Variants in ROBO1 observed in about 807,000 individuals in gnomAD.
The protein encoded by ROBO1 is roundabout guidance receptor 1.
Under a neutral mutation model 195.9 loss-of-function variants are expected in ROBO1, and 149 were observed. The observed-to-expected ratio is 0.76, with a 90% confidence interval of 0.67 to 0.87. The LOEUF is 0.87. ROBO1 is among the 40% of genes least tolerant of loss of function. The pLI is 0.00. For synonymous variants in ROBO1, 816 were observed against 733.2 expected, an observed-to-expected ratio of 1.11 and a Z score of -1.82; for missense variants, 1,933 against 2,068.3, an observed-to-expected ratio of 0.93 and a Z score of 1.27.
rs549776058 is a variant in ROBO1 at position 79,255,317 on chromosome 3, T to C, written c.89-129778A>G. On this transcript the variant is annotated intron_variant, in intron 2 of 30. Transcript: ENST00000464233. ...CTGAAATGAGCTCTTATTGTGCCAC[T>C]GTACTGCAGCCTGGACAACAGAGCA... 1.4e-4 allele frequency among the ~76,000 whole-genome samples: 21 copies of C among 152,298 alleles called. No homozygotes were observed. In the South Asian group the frequency reaches 4.1e-3, roughly 30 times the overall value.
chr3:79,161,760 C>T (rs1323019881), intron 2 of ROBO1, among the ~76,000 whole-genome samples: 1 of 152,068 alleles, frequency 6.6e-6, no homozygotes, highest in Non-Finnish European at 1.5e-5. Context: ...GCCTCTAGTA[C>T]CATCGCTCTC....
At chr3:79,073,788 G>T (rs1298879067) in intron 3 of ROBO1, among the ~76,000 whole-genome samples, 1 of 151,266 alleles carries the variant, frequency 6.6e-6, no homozygotes, top group Non-Finnish European at 1.5e-5. Context: ...ATAGATCATC[G>T]GAAAATGGCA....
At chr3:78,711,007 T>G (rs2108013057) in intron 8 of ROBO1, among the ~76,000 whole-genome samples, 1 of 152,368 alleles carries the variant, frequency 6.6e-6, no homozygotes, top group South Asian at 2.1e-4. Flanking sequence ...CCCTAGATTT[T>G]ACTCTGTTCC....
chr3:79,609,315 C>T (rs1944584840), intron 1 of ROBO1, among the ~76,000 whole-genome samples: 1 of 151,570 alleles, frequency 6.6e-6, no homozygotes, highest in Admixed American at 6.6e-5. Flanking sequence ...TACCATTTCA[C>T]TCCTATTAGG....
At chr3:79,055,177 C>G (rs897676669) in intron 3 of ROBO1, among the ~76,000 whole-genome samples, 1 of 152,104 alleles carries the variant, frequency 6.6e-6, no homozygotes, top group Non-Finnish European at 1.5e-5. Context: ...AATTCTGATT[C>G]CACTGATGAG....
chr3:78,929,018 CT>C (rs1201973495), intron 4 of ROBO1, among the ~76,000 whole-genome samples: 1 of 151,986 alleles, frequency 6.6e-6, no homozygotes, highest in East Asian at 1.9e-4. Flanking sequence ...TTCTCTTTAA[CT>C]TTTTAGCTTT....
At chr3:78,884,218 A>T (rs2036362470) in intron 4 of ROBO1, among the ~76,000 whole-genome samples, 1 of 152,204 alleles carries the variant, frequency 6.6e-6, no homozygotes, top group Admixed American at 6.6e-5. Context: ...AGAGAATGAC[A>T]ATAACAGACC....
At chr3:78,766,756 G>A (rs424737) in intron 4 of ROBO1, among the ~76,000 whole-genome samples, 45,603 of 151,992 alleles carry the variant, frequency 0.3, 6,974 homozygotes, top group East Asian at 0.5. Context: ...CTGTGGGTTC[G>A]TCATAGATGG....
chr3:79,708,312 T>C lies in ROBO1; in HGVS notation c.-51+59440A>G, dbSNP rs557820249. On this transcript the variant is annotated intron_variant, in intron 1 of 30. Coordinates refer to ENST00000464233, the MANE Select transcript of ROBO1 (RefSeq NM_002941.4). ...CTTTTAGCTTCCCCATATAATTAAATTATCTTTTCACAATATAGTATTCAT... is the reference window on the plus strand; with the variant it reads ...CTTTTAGCTTCCCCATATAATTAAACTATCTTTTCACAATATAGTATTCAT... Among the ~76,000 whole-genome samples the C allele has an allele frequency of 1.8e-4, 28 of 152,304 alleles. No homozygotes were observed. The East Asian group carries it at 3.9e-3, about 21-fold the overall frequency.
intron 4 of ROBO1, among the ~76,000 whole-genome samples, chr3:78,769,033 C>T (rs2108412848): frequency 6.6e-6 from 1 of 152,096 alleles, no homozygotes; most frequent in Non-Finnish European, 1.5e-5. Flanking sequence ...AATGCGTATT[C>T]TGCAGTTGTT....
At chr3:79,729,230 C>T (rs1308103945) in intron 1 of ROBO1, among the ~76,000 whole-genome samples, 1 of 152,040 alleles carries the variant, frequency 6.6e-6, no homozygotes, top group African/African-American at 2.4e-5. Flanking sequence ...TAACTTTGAA[C>T]AGAGGGTCAG....
chr3:78,885,830 C>CT (rs2036526177), intron 4 of ROBO1, among the ~76,000 whole-genome samples: 1 of 149,198 alleles, frequency 6.7e-6, no homozygotes, highest in African/African-American at 2.5e-5. Context: ...AAATTATGTT[C>CT]ATACAACCCT....
intron 2 of ROBO1, among the ~76,000 whole-genome samples, chr3:79,503,320 C>T (rs533975370): frequency 5.3e-5 from 8 of 152,218 alleles, no homozygotes; most frequent in Admixed American, 2.0e-4. Context: ...GAAGAAACTC[C>T]GAACACATGG....
At chr3:78,614,886 C>A in intron 27 of ROBO1, 86 bp from the exon 28 acceptor site, 1 of 1,286,566 alleles carries the variant, frequency 7.8e-7, no homozygotes, top group Non-Finnish European at 1.0e-6. Context: ...AACATTAAAA[C>A]CAGAAACAGC....
At chr3:79,173,596 T>G (rs981810235) in intron 2 of ROBO1, among the ~76,000 whole-genome samples, 9 of 152,102 alleles carry the variant, frequency 5.9e-5, no homozygotes, top group African/African-American at 2.2e-4. Flanking sequence ...CCGCCATGCC[T>G]GAGCCTCCCC....
At chr3:79,143,208 G>T (rs1485169054) in intron 2 of ROBO1, among the ~76,000 whole-genome samples, 2 of 151,870 alleles carry the variant, frequency 1.3e-5, no homozygotes, top group Non-Finnish European at 2.9e-5. Flanking sequence ...TGGCTATTTG[G>T]GTGCTTAAAT....
chr3:79,486,078 A>T (rs1939143490), intron 2 of ROBO1, among the ~76,000 whole-genome samples: 1 of 152,176 alleles, frequency 6.6e-6, no homozygotes, highest in Admixed American at 6.5e-5. Flanking sequence ...ATTCTTTATT[A>T]TTATCTCAAT....
In ROBO1 at chr3:78,614,680, G is replaced by C; in HGVS notation, c.4403C>G (p.Pro1468Arg). The C allele has an allele frequency of 6.2e-7, 1 of 1,613,714 alleles. No homozygotes were observed. The highest frequency in any genetic ancestry group is 8.5e-7 in the Non-Finnish European group (1 of 1,179,816). Residue 1468 changes from proline to arginine, a missense_variant, in exon 28 of 31, where the codon CCA becomes CGA. This residue lies in a region of ROBO1 where 1,737 missense variants were observed against 1,882.5 expected (regional missense o/e 0.92). Coordinates refer to ENST00000464233, the MANE Select transcript of ROBO1 (RefSeq NM_002941.4). ...TRPAKKLKHQ[P>R]GHLRRETYTD... ...GTAGGTTTCTCTGCGCAGATGTCCT[G>C]GCTGGTGTTTCAGTTTCTTGGCTGG...
In ROBO1 at chr3:78,661,101, T is replaced by C; in HGVS notation, c.2249A>G (p.Lys750Arg). The change falls in exon 16 of 31, where the codon AAG becomes AGG. Residue 750 changes from lysine to arginine, a missense_variant. Lys to Arg is a conservative substitution (Grantham distance 26, BLOSUM62 2). Around this residue, in one of 3 missense-constraint regions of ROBO1, gnomAD observed 1,737 missense variants for 1,882.5 expected, o/e 0.92. Transcript: ENST00000464233. Reference protein sequence around the residue: ...DLRKGVNYEIKARPFFNEFQG... With the variant: ...DLRKGVNYEIRARPFFNEFQG... ...AAATTCATTAAAAAAAGGGCGAGCCTTAATTTCATAGTTGACTCCCTTTCT... is the reference window on the plus strand; with the variant it reads ...AAATTCATTAAAAAAAGGGCGAGCCCTAATTTCATAGTTGACTCCCTTTCT... 1 of 1,613,740 alleles carries C rather than the reference T, an allele frequency of 6.2e-7. No homozygotes were observed. Among genetic ancestry groups the C allele is most frequent in the Non-Finnish European group, 8.5e-7 (1 of 1,179,790 alleles).
Sources: gnomAD v4.1 joint callset for allele counts (sites outside exome capture counted in the v4.1 genomes callset) on GRCh38, gnomAD v4.1.1 for gene constraint, gnomAD v4.1.1 regional missense constraint, MANE v1.5 for transcripts, NCBI Gene and HGNC (gene_info 2026-07-23, HGNC 2026-07-21) for gene names.